The following NXN variants were observed in gnomAD, a reference collection of about 807,000 sequenced individuals.
The protein encoded by NXN is nucleoredoxin.
NXN carries 16 observed loss-of-function variants against 48.6 expected under a neutral mutation model. The observed-to-expected ratio is 0.33, with a 90% CI of 0.22 to 0.50. The LOEUF is 0.50. Ranked by LOEUF, NXN falls within the 20% of genes least tolerant of loss-of-function variation. The pLI is 0.98. For missense variants in NXN, 492 were observed against 605.5 expected (o/e 0.81, Z 1.97); for synonymous variants, 281 against 269.6 (o/e 1.04, Z -0.41).
intron 1 of NXN, among the ~76,000 whole-genome samples, chr17:879,171 AAAC>A (rs1225107031): frequency 2.6e-5 from 4 of 152,254 alleles, no homozygotes; most frequent in African/African-American, 9.6e-5. Flanking sequence ...GTCTCAAAAA[AAAC>A]AACAAGTAGA....
chr17:841,838 C>A (rs1339375564), intron 1 of NXN, among the ~76,000 whole-genome samples: 1 of 152,138 alleles, frequency 6.6e-6, no homozygotes, highest in Non-Finnish European at 1.5e-5. Flanking sequence ...TACATCCTTC[C>A]AATTACACCT....
At chr17:853,261 C>T (rs148528615) in intron 1 of NXN, among the ~76,000 whole-genome samples, 6,998 of 152,104 alleles carry the variant, frequency 0.046, 528 homozygotes, top group African/African-American at 0.16. Context: ...CTGGCCAGCA[C>T]GGTGAAACCT....
chr17:815,825 C>A (rs1285598275), intron 5 of NXN, among the ~76,000 whole-genome samples: 1 of 152,194 alleles, frequency 6.6e-6, no homozygotes, highest in Non-Finnish European at 1.5e-5. Context: ...AAGACCCAGC[C>A]ACGTCAAACA....
At chr17:926,851 A>G (rs1482505351) in intron 1 of NXN, among the ~76,000 whole-genome samples, 1 of 152,070 alleles carries the variant, frequency 6.6e-6, no homozygotes, top group Non-Finnish European at 1.5e-5. Flanking sequence ...CATCCCACAC[A>G]TCCCTGGGAT....
At chr17:911,323 T>C (rs2068633410) in intron 1 of NXN, 2 of 147,706 alleles carry the variant, frequency 1.4e-5, no homozygotes, top group African/African-American at 2.5e-5. Flanking sequence ...GTTTCTCCAT[T>C]AATGCAAGTC....
At chr17:802,653 C>T (rs1911265751) in intron 7 of NXN, among the ~76,000 whole-genome samples, 1 of 152,154 alleles carries the variant, frequency 6.6e-6, no homozygotes, top group Non-Finnish European at 1.5e-5. Context: ...TGTGCAGTGG[C>T]CAGTGCCACC....
chr17:934,406 A>T (rs934765522), intron 1 of NXN, among the ~76,000 whole-genome samples: 3 of 151,618 alleles, frequency 2.0e-5, no homozygotes, highest in African/African-American at 7.3e-5. Flanking sequence ...AGATAGCACC[A>T]CTGCACTCTA....
intron 6 of NXN, 26 bp downstream of exon 6, chr17:805,042 G>A (rs747700816): frequency 3.5e-5 from 47 of 1,351,724 alleles, no homozygotes; most frequent in Admixed American, 4.3e-5. Context: ...GCCACCCCTC[G>A]CCCCCTGCCC....
At chr17:806,940 A>G (rs1226867) in intron 5 of NXN, among the ~76,000 whole-genome samples, 35,547 of 146,930 alleles carry the variant, frequency 0.24, 4,440 homozygotes, top group Non-Finnish European at 0.29. Context: ...ACACACACAC[A>G]CACACACGCA....
chr17:970,332 C>A (rs1186892983), intron 1 of NXN, among the ~76,000 whole-genome samples: 1 of 151,548 alleles, frequency 6.6e-6, no homozygotes, highest in South Asian at 2.1e-4. Context: ...ACCTGAAGTT[C>A]AATTTTGTCT....
At chr17:822,517 C>CAGTGGTT in intron 3 of NXN, 60 bp from the exon 4 acceptor site, 1 of 1,306,070 alleles carries the variant, frequency 7.7e-7, no homozygotes. Context: ...CCCAGCCACT[C>CAGTGGTT]ACCATCCAAG....
chr17:852,223 T>C (rs988658523), intron 1 of NXN, among the ~76,000 whole-genome samples: 1 of 152,144 alleles, frequency 6.6e-6, no homozygotes, highest in Admixed American at 6.6e-5. Flanking sequence ...TCCGGGGGCA[T>C]CCGGATGACA....
chr17:838,203 C>T (rs1913938489), intron 1 of NXN, among the ~76,000 whole-genome samples: 1 of 139,764 alleles, frequency 7.2e-6, no homozygotes, highest in South Asian at 2.2e-4. Context: ...TCGATCTCTG[C>T]TCACCACAAC....
chr17:814,216 G>T (rs940290881), intron 5 of NXN, among the ~76,000 whole-genome samples: 1 of 151,996 alleles, frequency 6.6e-6, no homozygotes, highest in Non-Finnish European at 1.5e-5. Context: ...CAGAGATTGC[G>T]CCACTGCACT....
intron 1 of NXN, among the ~76,000 whole-genome samples, chr17:935,224 C>A (rs1597254694): frequency 6.6e-6 from 1 of 151,980 alleles, no homozygotes; most frequent in East Asian, 1.9e-4. Flanking sequence ...GAACTCCTGG[C>A]CTCAGGTGAT....
At chr17:957,342 T>C (rs2069182224) in intron 1 of NXN, among the ~76,000 whole-genome samples, 1 of 150,860 alleles carries the variant, frequency 6.6e-6, no homozygotes, top group African/African-American at 2.4e-5. Context: ...TGATAGAAAA[T>C]GCATTTCTGG....
At chr17:861,757 A>G (rs1055644530) in intron 1 of NXN, among the ~76,000 whole-genome samples, 18 of 147,796 alleles carry the variant, frequency 1.2e-4, no homozygotes, top group Non-Finnish European at 1.8e-4. Context: ...ACAGCAATAG[A>G]TTTTTTTTTT....
In NXN at chr17:843,059, G is replaced by GAAAGAAAGAAA. The variant is rs1567829215; in HGVS notation, c.361-16982_361-16981insTTTCTTTCTTT. Among the ~76,000 whole-genome samples the GAAAGAAAGAAA allele has an allele frequency of 7.5e-4, 74 of 98,538 alleles. 1 individual carries two copies. Among genetic ancestry groups the GAAAGAAAGAAA allele is most frequent in the African/African-American group, 1.1e-3 (28 of 24,608 alleles). 64.6% of individuals were successfully genotyped at this position (98,538 alleles called of 152,430 possible). ...AAGAAAGAAAGAAAGAAAGAAAGAA[G>GAAAGAAAGAAA]GAAGAAAGCAAGCAAGCAAGCTGCA... On this transcript the variant is annotated intron_variant, in intron 1 of 7. Coordinates refer to ENST00000336868, the MANE Select transcript of NXN (RefSeq NM_022463.5).
At position 821,573 on chromosome 17, in the gene NXN, T is replaced by C. The variant is rs112149015; in HGVS notation, c.713+784A>G. Among the ~76,000 whole-genome samples the C allele has an allele frequency of 5.2e-5, 4 of 76,840 alleles. 2 individuals carry two copies. The highest frequency in any genetic ancestry group is 2.4e-4 in the Admixed American group (2 of 8,380). 50.4% of individuals were successfully genotyped at this position (76,840 alleles called of 152,430 possible). A position where few individuals can be genotyped will look rare whatever the true frequency, so the allele number is the denominator to read the frequency against. On this transcript the variant is annotated intron_variant, in intron 4 of 7. Transcript: ENST00000336868. ...GAGATCGAGACCATCCTGGCTAACATGGTGAAACCCCATGGCTAATACAAA... is the reference window on the plus strand; with the variant it reads ...GAGATCGAGACCATCCTGGCTAACACGGTGAAACCCCATGGCTAATACAAA...
Sources: allele counts gnomAD v4.1 joint callset (sites outside exome capture counted in the v4.1 genomes callset), GRCh38; gene constraint gnomAD v4.1.1; transcripts MANE v1.5; gene names NCBI Gene and HGNC (gene_info 2026-07-23, HGNC 2026-07-21).